The following ADK variants were observed in gnomAD, a reference collection of about 807,000 sequenced individuals.
ADK encodes N6,N6-dimethyladenosine kinase.
A neutral mutation model predicts 44.7 loss-of-function variants in ADK; 24 were observed. The observed-to-expected ratio is 0.54, with a 90% CI of 0.39 to 0.76. The LOEUF is 0.76. Among genes scored for constraint, ADK ranks in the 30% least tolerant of loss-of-function variants. The pLI, the probability that ADK is intolerant of heterozygous loss-of-function variation, is 0.00. For synonymous variants in ADK, 128 were observed against 142.6 expected, an observed-to-expected ratio of 0.90 and a Z score of 0.73; for missense variants, 321 against 425.1, an observed-to-expected ratio of 0.76 and a Z score of 2.15.
At chr10:74,401,928 A>C (rs1017020633) in intron 6 of ADK, among the ~76,000 whole-genome samples, 6 of 152,184 alleles carry the variant, frequency 3.9e-5, no homozygotes, top group African/African-American at 1.4e-4. Flanking sequence ...CTTGTAAGGC[A>C]GGCCTGGTGG....
intron 4 of ADK, among the ~76,000 whole-genome samples, chr10:74,372,946 T>G (rs772401077): frequency 6.6e-6 from 1 of 152,178 alleles, no homozygotes; most frequent in Non-Finnish European, 1.5e-5. Flanking sequence ...AAACGTATGA[T>G]GAAGCCATAC....
intron 10 of ADK, among the ~76,000 whole-genome samples, chr10:74,703,587 A>T (rs1169526281): frequency 6.6e-6 from 1 of 152,272 alleles, no homozygotes; most frequent in Non-Finnish European, 1.5e-5. Context: ...GAAATGTTCC[A>T]GATTTTTAAA....
chr10:74,665,018 G>C (rs1854895038), intron 9 of ADK, among the ~76,000 whole-genome samples: 1 of 152,034 alleles, frequency 6.6e-6, no homozygotes, highest in Admixed American at 6.6e-5. Flanking sequence ...TCACTCTTAG[G>C]AAATACACAC....
chr10:74,164,134 T>C (rs942846215), intron 1 of ADK, among the ~76,000 whole-genome samples: 8 of 152,244 alleles, frequency 5.3e-5, no homozygotes, highest in Non-Finnish European at 7.3e-5. Context: ...GTTTTACTTA[T>C]TGCTTGTTCA....
chr10:74,445,891 T>A (rs1845571785), intron 6 of ADK, among the ~76,000 whole-genome samples: 1 of 152,088 alleles, frequency 6.6e-6, no homozygotes, highest in Admixed American at 6.5e-5. Context: ...CTGTCATGAA[T>A]CTAACTCTTT....
chr10:74,697,185 T>C (rs1021193382), intron 10 of ADK, among the ~76,000 whole-genome samples: 1 of 152,208 alleles, frequency 6.6e-6, no homozygotes, highest in Non-Finnish European at 1.5e-5. Context: ...GACATGTATT[T>C]GTACTGTATC....
At chr10:74,200,177 T>TG (rs1843321156) in intron 1 of ADK, among the ~76,000 whole-genome samples, 1 of 140,904 alleles carries the variant, frequency 7.1e-6, no homozygotes, top group South Asian at 2.2e-4. Flanking sequence ...TTTTTTTTTT[T>TG]GACTCTTTAG....
At position 74,474,504 on chromosome 10, in the gene ADK, T is replaced by C. The variant is rs949173299; in HGVS notation, c.556-50752T>C. Among the ~76,000 whole-genome samples, 11 of 151,708 alleles carry C rather than the reference T, an allele frequency of 7.3e-5. No homozygotes were observed. In the South Asian group the frequency reaches 1.3e-3, roughly 17 times the overall value. On this transcript the variant is annotated intron_variant, in intron 6 of 10. Transcript: ENST00000539909. ...TTTTCTCTCCCCCTTTCCTCTCCTT[T>C]CCTTCCCTTCCCTTCCCTTTCTTTC...
At chr10:74,646,607 C>G (rs1028144072) in intron 9 of ADK, among the ~76,000 whole-genome samples, 8 of 152,298 alleles carry the variant, frequency 5.3e-5, no homozygotes, top group South Asian at 2.1e-4. Flanking sequence ...AGCTGCTCAG[C>G]CTTCATTGCT....
At chr10:74,441,421 G>A (rs1255115653) in intron 6 of ADK, among the ~76,000 whole-genome samples, 1 of 152,088 alleles carries the variant, frequency 6.6e-6, no homozygotes. Flanking sequence ...GAAAACCTGT[G>A]TTTACACAAA....
At chr10:74,225,202 C>A (rs1844488638) in intron 3 of ADK, among the ~76,000 whole-genome samples, 1 of 152,196 alleles carries the variant, frequency 6.6e-6, no homozygotes, top group Admixed American at 6.5e-5. Context: ...CTTAGCCTCC[C>A]AGGTAGCTGG....
rs147130854 is a variant in ADK, at chr10:74,313,672, T to A, written c.195-995T>A. On this transcript the variant is annotated intron_variant, in intron 3 of 10. Coordinates refer to ENST00000539909, the MANE Select transcript of ADK (RefSeq NM_006721.4). ...CCTAATCCCTTGTAAAACTGCTTGATGTTTGGAAAAATCTGACCATATTTA... is the reference window on the plus strand; with the variant it reads ...CCTAATCCCTTGTAAAACTGCTTGAAGTTTGGAAAAATCTGACCATATTTA... Among the ~76,000 whole-genome samples the A allele has an allele frequency of 5.1e-3, 770 of 152,104 alleles. 3 individuals are homozygous for A. The highest frequency in any genetic ancestry group is 0.017 in the African/African-American group (726 of 41,546).
At chr10:74,275,857 T>G (rs529733414) in intron 3 of ADK, among the ~76,000 whole-genome samples, 8 of 152,094 alleles carry the variant, frequency 5.3e-5, no homozygotes, top group Non-Finnish European at 1.0e-4. Flanking sequence ...GCCAGGCTGT[T>G]CTTTAACTCC....
intron 9 of ADK, among the ~76,000 whole-genome samples, chr10:74,601,849 T>C (rs189939442): frequency 8.9e-4 from 135 of 151,318 alleles, no homozygotes; most frequent in African/African-American, 3.1e-3. Context: ...CCCTAGCACC[T>C]TGGGAAGTCA....
At chr10:74,407,964 CT>C (rs938441541) in intron 6 of ADK, among the ~76,000 whole-genome samples, 1 of 149,836 alleles carries the variant, frequency 6.7e-6, no homozygotes, top group Admixed American at 6.7e-5. Flanking sequence ...AGGTAACTCG[CT>C]TTTTTTTTCA....
rs573404885 is a variant in ADK at position 74,660,235 on chromosome 10, C to T, written c.878-9948C>T. 1.9e-4 allele frequency among the ~76,000 whole-genome samples: 29 copies of T among 152,226 alleles called. 1 individual carries two copies. Among genetic ancestry groups the T allele is most frequent in the Admixed American group, 1.2e-3 (19 of 15,292 alleles). ...TTTCCGCCTCCTGGACTCAAACCAT[C>T]CTCCCACCTCAGCCTCCCGAATAGC... On this transcript the variant is annotated intron_variant, in intron 9 of 10. Coordinates refer to ENST00000539909, the MANE Select transcript of ADK (RefSeq NM_006721.4).
chr10:74,190,442 T>A (rs1842921184), intron 1 of ADK, among the ~76,000 whole-genome samples: 1 of 152,242 alleles, frequency 6.6e-6, no homozygotes, highest in African/African-American at 2.4e-5. Flanking sequence ...GTTTTCATCT[T>A]CCAGGGTCTT....
At chr10:74,380,485 C>T (rs747203290) in intron 4 of ADK, among the ~76,000 whole-genome samples, 2 of 152,090 alleles carry the variant, frequency 1.3e-5, no homozygotes, top group African/African-American at 4.8e-5. Flanking sequence ...TCTCCGGGCG[C>T]AGTGGCTCAC....
intron 9 of ADK, among the ~76,000 whole-genome samples, chr10:74,648,957 G>A (rs377126543): frequency 2.0e-4 from 30 of 151,724 alleles, no homozygotes; most frequent in East Asian, 5.9e-4. Flanking sequence ...CAAGGCAGGC[G>A]GATTACGACG....
Sources: allele counts gnomAD v4.1 joint callset (sites outside exome capture counted in the v4.1 genomes callset), GRCh38; gene constraint gnomAD v4.1.1; transcripts MANE v1.5; gene names NCBI Gene and HGNC (gene_info 2026-07-23, HGNC 2026-07-21).